Variants in TRMT11 observed in about 807,000 individuals in gnomAD.
TRMT11 encodes tRNA (guanine(10)-N(2))-methyltransferase TRMT11.
A neutral mutation model predicts 62.8 loss-of-function variants in TRMT11; 53 were observed. The observed-to-expected ratio is 0.84, with a 90% CI of 0.68 to 1.06. The LOEUF (loss-of-function observed/expected upper bound fraction) is 1.06. Ranked by LOEUF, TRMT11 falls within the 50% of genes least tolerant of loss-of-function variation. The pLI is 0.00. For synonymous variants in TRMT11, 188 were observed against 190.3 expected, an observed-to-expected ratio of 0.99 and a Z score of 0.10; for missense variants, 556 against 553.4, an observed-to-expected ratio of 1.00 and a Z score of -0.05.
chr6:126,175,180 C>T (rs187377085), upstream of TRMT11, among the ~76,000 whole-genome samples: 23 of 152,232 alleles, frequency 1.5e-4, no homozygotes, highest in Non-Finnish European at 1.3e-4. Context: ...GTGATTGAAC[C>T]CAGGTATTCT....
At chr6:126,022,051 GTTTTTTTTTTTTTT>G (rs10581882) in intron 12 of TRMT11, among the ~76,000 whole-genome samples, 1 of 52,272 alleles carries the variant, frequency 1.9e-5, no homozygotes, top group African/African-American at 8.2e-5. Context: ...TTTTTCCTTA[GTTTTTTTTTTTTTT>G]TTTTTTTTTT....
At chr6:126,222,939 G>A in the TRMT11 span, among the ~76,000 whole-genome samples, 1 of 151,368 alleles carries the variant, frequency 6.6e-6, no homozygotes, top group Non-Finnish European at 1.5e-5. Context: ...GTACTTAAAT[G>A]TGTTTTTGTG....
chr6:126,117,215 A>G (rs1777599745), intron 21 of TRMT11, among the ~76,000 whole-genome samples: 1 of 152,072 alleles, frequency 6.6e-6, no homozygotes, highest in African/African-American at 2.4e-5. Flanking sequence ...TCTACTGTGT[A>G]TTCTACACCT....
the TRMT11 span, among the ~76,000 whole-genome samples, chr6:126,252,200 C>T: frequency 6.6e-6 from 1 of 152,220 alleles, no homozygotes; most frequent in Non-Finnish European, 1.5e-5. Flanking sequence ...AGCTGGGTGA[C>T]TCCAGTGGCA....
chr6:126,063,589 G>C (rs981606131), intron 17 of TRMT11, among the ~76,000 whole-genome samples: 1 of 152,214 alleles, frequency 6.6e-6, no homozygotes, highest in Non-Finnish European at 1.5e-5. Flanking sequence ...ATGTTAATGT[G>C]CAGACGAATC....
chr6:126,114,392 G>A (rs1777565223), intron 18 of TRMT11, among the ~76,000 whole-genome samples: 1 of 152,020 alleles, frequency 6.6e-6, no homozygotes. Context: ...AGAACAGTGG[G>A]GCTAGAAAGA....
At chr6:126,106,996 C>A (rs1777472225) in intron 17 of TRMT11, among the ~76,000 whole-genome samples, 1 of 148,892 alleles carries the variant, frequency 6.7e-6, no homozygotes, top group Non-Finnish European at 1.5e-5. Flanking sequence ...GTCCTATATA[C>A]AATTTATTTA....
chr6:126,243,435 G>A, the TRMT11 span, among the ~76,000 whole-genome samples: 65 of 152,146 alleles, frequency 4.3e-4, 1 homozygote, highest in Admixed American at 1.3e-4. Context: ...CCATTACTGG[G>A]TATATACCCA....
intron 11 of TRMT11, among the ~76,000 whole-genome samples, chr6:126,014,539 G>C (rs927762026): frequency 6.6e-6 from 1 of 152,158 alleles, no homozygotes; most frequent in East Asian, 1.9e-4. Context: ...GTGAGCCACC[G>C]TGTCCGGCCA....
intron 21 of TRMT11, among the ~76,000 whole-genome samples, chr6:126,158,159 T>G (rs1337495950): frequency 6.6e-6 from 1 of 152,208 alleles, no homozygotes; most frequent in African/African-American, 2.4e-5. Flanking sequence ...ATAAGTCCAC[T>G]CCTACACATT....
chr6:126,023,807 G>C (rs1462682465), intron 12 of TRMT11, among the ~76,000 whole-genome samples: 1 of 152,184 alleles, frequency 6.6e-6, no homozygotes, highest in Admixed American at 6.5e-5. Flanking sequence ...AGAGTCTCTT[G>C]TGGTGTTCTC....
At chr6:125,996,139 T>C in intron 3 of TRMT11, 99 bp downstream of exon 3, 1 of 747,830 alleles carries the variant, frequency 1.3e-6, no homozygotes, top group Non-Finnish European at 2.2e-6. Context: ...AGGCTCAGTT[T>C]AGCTTGCAGT....
At chr6:126,050,061 G>T (rs775776291) in intron 16 of TRMT11, among the ~76,000 whole-genome samples, 2 of 152,184 alleles carry the variant, frequency 1.3e-5, no homozygotes, top group Non-Finnish European at 1.5e-5. Context: ...GGGCATGGTG[G>T]CTCATGCCTG....
the TRMT11 span, among the ~76,000 whole-genome samples, chr6:126,215,599 T>C: frequency 6.6e-6 from 1 of 152,034 alleles, no homozygotes; most frequent in African/African-American, 2.4e-5. Flanking sequence ...ATGTGTTTTC[T>C]TGTAGGCAAG....
the TRMT11 span, among the ~76,000 whole-genome samples, chr6:126,220,927 A>G: frequency 6.6e-6 from 1 of 152,160 alleles, no homozygotes; most frequent in Non-Finnish European, 1.5e-5. Flanking sequence ...TATACCCTAA[A>G]GTAGGCTCCA....
intron 12 of TRMT11, 82 bp from the exon 13 acceptor site, chr6:126,038,619 TAAGA>T: frequency 8.2e-7 from 1 of 1,219,334 alleles, no homozygotes; most frequent in South Asian, 1.8e-5. Flanking sequence ...AGATTTTGCT[TAAGA>T]TTTTGCTTAA....
At chr6:126,252,828 G>A in the TRMT11 span, among the ~76,000 whole-genome samples, 2 of 152,112 alleles carry the variant, frequency 1.3e-5, no homozygotes, top group African/African-American at 2.4e-5. Context: ...CCGGAATAAC[G>A]AAAGTATTGT....
At chr6:126,027,968 T>C (rs961488528) in intron 12 of TRMT11, among the ~76,000 whole-genome samples, 2 of 152,214 alleles carry the variant, frequency 1.3e-5, no homozygotes, top group African/African-American at 4.8e-5. Flanking sequence ...AATTAGTCTT[T>C]ATGATAGTTT....
chr6:126,156,758 C>T (rs1369623865), intron 21 of TRMT11, among the ~76,000 whole-genome samples: 2 of 152,032 alleles, frequency 1.3e-5, no homozygotes, highest in South Asian at 2.1e-4. Flanking sequence ...TTTAAACAAC[C>T]GAATCTAGCA....
Sources: gnomAD v4.1 joint callset for allele counts (sites outside exome capture counted in the v4.1 genomes callset) on GRCh38, gnomAD v4.1.1 for gene constraint, MANE v1.5 for transcripts, NCBI Gene and HGNC (gene_info 2026-07-23, HGNC 2026-07-21) for gene names.